The following NUDCD3 variants were observed in gnomAD, a reference collection of about 807,000 sequenced individuals.
NUDCD3 encodes NudC domain containing 3.
Under a neutral mutation model 39.7 loss-of-function variants are expected in NUDCD3, and 13 were observed. The observed-to-expected ratio is 0.33, with a 90% confidence interval of 0.21 to 0.52. The LOEUF is 0.52. Ranked by LOEUF, NUDCD3 falls within the 20% of genes least tolerant of loss-of-function variation. NUDCD3 has a pLI of 0.96. For synonymous variants in NUDCD3, 175 were observed against 172.4 expected (o/e 1.02, Z -0.12); for missense variants, 453 against 458.1 (o/e 0.99, Z 0.10).
rs550734861 is a variant in NUDCD3 at position 44,463,820 on chromosome 7, T to TA, written c.509+21147dup. On this transcript the variant is annotated intron_variant, in intron 2 of 5. Transcript: ENST00000355451. ...ACAAAAGGAATGTATTTTTACTAAATAAAAAAAAAATCAACGGACATTTTC... is the reference window on the plus strand; with the variant it reads ...ACAAAAGGAATGTATTTTTACTAAATAAAAAAAAAAATCAACGGACATTTTC... Among the ~76,000 whole-genome samples the TA allele has an allele frequency of 5.0e-3, 747 of 149,362 alleles. 3 individuals are homozygous for TA. The highest frequency in any genetic ancestry group is 5.6e-3 in the African/African-American group (228 of 40,758).
intron 2 of NUDCD3, among the ~76,000 whole-genome samples, chr7:44,454,497 T>C (rs967770087): frequency 7.9e-5 from 12 of 152,358 alleles, no homozygotes; most frequent in African/African-American, 2.6e-4. Flanking sequence ...TCTTCATTCA[T>C]AGCATATAAC....
intron 2 of NUDCD3, among the ~76,000 whole-genome samples, chr7:44,435,536 G>A (rs947025949): frequency 6.6e-5 from 10 of 152,206 alleles, no homozygotes; most frequent in African/African-American, 1.2e-4. Flanking sequence ...TCAGAGAACA[G>A]CTCAACTTGA....
At chr7:44,467,989 T>C (rs760727708) in intron 2 of NUDCD3, 13 of 1,612,316 alleles carry the variant, frequency 8.1e-6, no homozygotes, top group Non-Finnish European at 9.3e-6. Flanking sequence ...ATGTCAAAAT[T>C]AAGCGTAACT....
chr7:44,458,936 C>CTCTGTGTGTGTG (rs1554493956), intron 2 of NUDCD3, among the ~76,000 whole-genome samples: 2 of 116,062 alleles, frequency 1.7e-5, no homozygotes, highest in African/African-American at 6.7e-5. Context: ...ACGGGGAGTG[C>CTCTGTGTGTGTG]TGTGTGTGTG....
At chr7:44,426,285 G>A (rs1201325304) in intron 3 of NUDCD3, 1 of 372,490 alleles carries the variant, frequency 2.7e-6, no homozygotes, top group Non-Finnish European at 3.7e-6. Context: ...GAAACCTGGG[G>A]AAAGGAGAAT....
At chr7:44,419,252 C>A (rs1585066369) in intron 3 of NUDCD3, among the ~76,000 whole-genome samples, 2 of 152,126 alleles carry the variant, frequency 1.3e-5, no homozygotes, top group East Asian at 3.9e-4. Flanking sequence ...CACAGCGTGG[C>A]AAAGTGGCTG....
rs1798550684 is a variant in NUDCD3, at chr7:44,393,115, G to A, written c.787-630C>T. The stretch of plus-strand genomic sequence containing the variant: ...CTGTCCCCACTTCTTCCTCACTGGG[G>A]CCAAGCTTGCTGCATGAGGGGGTCC... On this transcript the variant is annotated intron_variant, in intron 4 of 5. Transcript: ENST00000355451. Among the ~76,000 whole-genome samples, 11 of 152,128 alleles carry A rather than the reference G, an allele frequency of 7.2e-5. 1 individual carries two copies. In the South Asian group the frequency reaches 2.3e-3, roughly 32 times the overall value.
chr7:44,425,148 C>T (rs1418510049), intron 3 of NUDCD3, among the ~76,000 whole-genome samples: 1 of 151,744 alleles, frequency 6.6e-6, no homozygotes, highest in African/African-American at 2.4e-5. Flanking sequence ...GCCAAGGGGT[C>T]GGGGGAAAGG....
intron 5 of NUDCD3, among the ~76,000 whole-genome samples, chr7:44,388,560 C>A (rs531863943): frequency 1.3e-5 from 2 of 152,356 alleles, no homozygotes; most frequent in African/African-American, 4.8e-5. Flanking sequence ...GCAGACCCTG[C>A]CCCAGACACT....
intron 5 of NUDCD3, among the ~76,000 whole-genome samples, chr7:44,391,800 C>T (rs140522899): frequency 7.2e-4 from 109 of 152,318 alleles, no homozygotes; most frequent in African/African-American, 2.3e-3. Context: ...CTGGGCACTA[C>T]ACTGGTCAGA....
intron 2 of NUDCD3, among the ~76,000 whole-genome samples, chr7:44,434,993 G>A (rs1799438036): frequency 6.6e-6 from 1 of 152,218 alleles, no homozygotes; most frequent in Non-Finnish European, 1.5e-5. Context: ...GCTATGGAAA[G>A]AACTCACTGA....
At chr7:44,410,806 A>C (rs2116881478) in intron 3 of NUDCD3, among the ~76,000 whole-genome samples, 1 of 152,154 alleles carries the variant, frequency 6.6e-6, no homozygotes, top group Non-Finnish European at 1.5e-5. Context: ...ATTTCTACTA[A>C]AAATACACAA....
At chr7:44,424,532 G>A (rs6962708) in intron 3 of NUDCD3, among the ~76,000 whole-genome samples, 24,132 of 152,054 alleles carry the variant, frequency 0.16, 2,079 homozygotes, top group Non-Finnish European at 0.19. Context: ...AACAAACATG[G>A]AAAAAAGCTC....
intron 5 of NUDCD3, 124 bp downstream of exon 5, chr7:44,392,173 T>C (rs1180193839): frequency 3.4e-6 from 3 of 875,370 alleles, no homozygotes; most frequent in Admixed American, 2.5e-5. Context: ...GGCTAGGACA[T>C]GGCAGGAAGC....
intron 2 of NUDCD3, among the ~76,000 whole-genome samples, chr7:44,477,466 T>G (rs1223721537): frequency 2.0e-5 from 3 of 152,182 alleles, no homozygotes; most frequent in Non-Finnish European, 2.9e-5. Context: ...TTTCAGAGAT[T>G]TTTGTCAGCA....
chr7:44,410,739 C>T (rs2116881387), intron 3 of NUDCD3, among the ~76,000 whole-genome samples: 1 of 151,722 alleles, frequency 6.6e-6, no homozygotes, highest in Non-Finnish European at 1.5e-5. Context: ...GAGGCCGAGG[C>T]AGGCAGATCA....
At chr7:44,395,222 C>T (rs1216529574) in intron 4 of NUDCD3, among the ~76,000 whole-genome samples, 2 of 152,186 alleles carry the variant, frequency 1.3e-5, no homozygotes, top group Admixed American at 6.5e-5. Context: ...TCTCCAGTCA[C>T]GTGAGCCACC....
At chr7:44,454,844 G>A (rs980597389) in intron 2 of NUDCD3, among the ~76,000 whole-genome samples, 13 of 152,008 alleles carry the variant, frequency 8.6e-5, no homozygotes, top group Non-Finnish European at 1.6e-4. Flanking sequence ...ATGGGTAGGA[G>A]GATTGCTTAA....
chr7:44,463,646 A>G (rs966909523), intron 2 of NUDCD3, among the ~76,000 whole-genome samples: 1 of 152,158 alleles, frequency 6.6e-6, no homozygotes, highest in African/African-American at 2.4e-5. Flanking sequence ...TATTACACTC[A>G]TAAGAATCAA....
Sources: allele counts gnomAD v4.1 joint callset (sites outside exome capture counted in the v4.1 genomes callset), GRCh38; gene constraint gnomAD v4.1.1; transcripts MANE v1.5; gene names NCBI Gene and HGNC (gene_info 2026-07-23, HGNC 2026-07-21).